The following UBE3D variants were observed in gnomAD, a reference collection of about 807,000 sequenced individuals.
The protein encoded by UBE3D is ubiquitin protein ligase E3D.
Under a neutral mutation model 49.6 loss-of-function variants are expected in UBE3D, and 48 were observed. The ratio of observed to expected loss-of-function variants is 0.97; its 90% CI spans 0.77 to 1.23. The LOEUF (loss-of-function observed/expected upper bound fraction) is 1.23, where lower values mean the gene tolerates loss of function less well. Among genes scored for constraint, UBE3D ranks in the 50% most tolerant of loss-of-function variants. UBE3D has a pLI of 0.00. For synonymous variants in UBE3D, 189 were observed against 174.2 expected (o/e 1.08, Z -0.67); for missense variants, 452 against 468.4 (o/e 0.96, Z 0.32).
intron 8 of UBE3D, among the ~76,000 whole-genome samples, chr6:82,961,769 C>T (rs1213143295): frequency 6.6e-6 from 1 of 151,824 alleles, no homozygotes; most frequent in Non-Finnish European, 1.5e-5. Flanking sequence ...CGAGACCAGC[C>T]TGATCAATAT....
At chr6:82,906,076 A>G (rs1772079737) in intron 9 of UBE3D, among the ~76,000 whole-genome samples, 2 of 152,158 alleles carry the variant, frequency 1.3e-5, no homozygotes, top group Non-Finnish European at 1.5e-5. Context: ...TAAAATATCA[A>G]TAATTCCTTA....
the UBE3D span, among the ~76,000 whole-genome samples, chr6:82,886,756 C>G: frequency 6.6e-6 from 1 of 152,178 alleles, no homozygotes; most frequent in African/African-American, 2.4e-5. Flanking sequence ...TTAATTTTCT[C>G]ATGATATCAA....
chr6:82,893,016 T>G lies in UBE3D; in HGVS notation c.*6A>C. On this transcript the variant is annotated 3_prime_UTR_variant, in exon 10 of 10. Coordinates refer to ENST00000369747, the MANE Select transcript of UBE3D (RefSeq NM_198920.3). The stretch of plus-strand genomic sequence containing the variant: ...GCCGGGGGAGGAGAATGCCCAGCTC[T>G]AATAGTTACATCTTCAAAAAGGCCA... The G allele has an allele frequency of 1.2e-6, 2 of 1,613,794 alleles. No individual in the cohort carries two copies. The highest frequency in any genetic ancestry group is 1.7e-6 in the Non-Finnish European group (2 of 1,179,852).
chr6:82,943,845 C>T (rs912477796), intron 9 of UBE3D, among the ~76,000 whole-genome samples: 1 of 152,008 alleles, frequency 6.6e-6, no homozygotes, highest in Non-Finnish European at 1.5e-5. Context: ...TGAGACTTCA[C>T]ATTAAACTCA....
intron 9 of UBE3D, among the ~76,000 whole-genome samples, chr6:82,894,201 A>G (rs1036688534): frequency 6.6e-6 from 1 of 151,876 alleles, no homozygotes; most frequent in Non-Finnish European, 1.5e-5. Flanking sequence ...CACCCCCCCA[A>G]CCATTTCATA....
chr6:82,924,793 A>C (rs1203487344), intron 9 of UBE3D: 4 of 152,192 alleles, frequency 2.6e-5, no homozygotes, highest in Non-Finnish European at 5.9e-5. Context: ...AATATGGAAA[A>C]TGCATAGTAT....
chr6:82,893,153 G>T, intron 9 of UBE3D, 111 bp from the exon 10 acceptor site: 1 of 1,265,012 alleles, frequency 7.9e-7, no homozygotes, highest in Non-Finnish European at 1.1e-6. Context: ...TCATATGCTT[G>T]TTTAAACAGA....
intron 9 of UBE3D, among the ~76,000 whole-genome samples, chr6:82,924,333 A>T (rs1255924889): frequency 6.6e-6 from 1 of 152,166 alleles, no homozygotes; most frequent in Admixed American, 6.5e-5. Flanking sequence ...ATTAGGTAAA[A>T]TGTCAAAAAC....
At chr6:82,930,299 C>T (rs1774052209) in intron 9 of UBE3D, among the ~76,000 whole-genome samples, 1 of 152,086 alleles carries the variant, frequency 6.6e-6, no homozygotes, top group Non-Finnish European at 1.5e-5. Flanking sequence ...AATATCCAGT[C>T]TCAGATATGT....
At chr6:82,995,557 T>A (rs959818648) in intron 8 of UBE3D, among the ~76,000 whole-genome samples, 2 of 149,946 alleles carry the variant, frequency 1.3e-5, no homozygotes, top group Non-Finnish European at 3.0e-5. Flanking sequence ...AACAGGCTAT[T>A]CACAGAAAAG....
chr6:82,961,079 C>T lies in UBE3D; in HGVS notation c.1011-3629G>A, dbSNP rs1051329793. On this transcript the variant is annotated intron_variant, in intron 8 of 9. Coordinates refer to ENST00000369747, the MANE Select transcript of UBE3D (RefSeq NM_198920.3). ...AGGCCCATGATGCTTTGGACCTTCT[C>T]GAAATGAGGTAAACACTGTAGCCTG... is the stretch of plus-strand genomic sequence containing the variant. Among the ~76,000 whole-genome samples, 5 of 152,222 alleles carry T rather than the reference C, an allele frequency of 3.3e-5. No individual in the cohort carries two copies. In the East Asian group the frequency reaches 9.7e-4, roughly 29 times the overall value.
intron 7 of UBE3D, 138 bp downstream of exon 7, chr6:83,022,315 C>T: frequency 1.7e-6 from 1 of 571,764 alleles, no homozygotes; most frequent in Non-Finnish European, 2.8e-6. Flanking sequence ...GCATAAGCCA[C>T]CGTGCCCAGC....
At chr6:83,009,335 A>G (rs1436107058) in intron 8 of UBE3D, among the ~76,000 whole-genome samples, 1 of 152,084 alleles carries the variant, frequency 6.6e-6, no homozygotes, top group Non-Finnish European at 1.5e-5. Context: ...AAAGATAAGC[A>G]GAAAACCATG....
chr6:82,966,518 C>G lies in UBE3D; in HGVS notation c.1011-9068G>C, dbSNP rs180830832. Among the ~76,000 whole-genome samples the G allele has an allele frequency of 7.0e-3, 832 of 119,188 alleles. 141 individuals are homozygous for G. Among genetic ancestry groups the G allele is most frequent in the Admixed American group, 0.05 (623 of 12,356 alleles). 78.2% of individuals were successfully genotyped at this position (119,188 alleles called of 152,430 possible). A position where few individuals can be genotyped will look rare whatever the true frequency, so the allele number is the denominator to read the frequency against. Reference sequence around the variant, plus strand: ...ACAAAAAATTAGCCGGGCGTAGTGGCGGGCGCCTGTAGTCCCAGCTACTCG... The same window carrying G: ...ACAAAAAATTAGCCGGGCGTAGTGGGGGGCGCCTGTAGTCCCAGCTACTCG... On this transcript the variant is annotated intron_variant, in intron 8 of 9. Coordinates refer to ENST00000369747, the MANE Select transcript of UBE3D (RefSeq NM_198920.3).
intron 5 of UBE3D, among the ~76,000 whole-genome samples, chr6:83,029,722 T>C (rs548876458): frequency 3.9e-5 from 6 of 152,108 alleles, no homozygotes; most frequent in Non-Finnish European, 7.4e-5. Flanking sequence ...CTTCTGAAGG[T>C]TGTTGGTTAT....
chr6:82,912,825 C>T (rs932661535), intron 9 of UBE3D, among the ~76,000 whole-genome samples: 3 of 152,110 alleles, frequency 2.0e-5, no homozygotes, highest in Non-Finnish European at 4.4e-5. Flanking sequence ...CAATAAAAAG[C>T]AAATCAAAAT....
At chr6:82,981,205 T>C (rs1218193191) in intron 8 of UBE3D, among the ~76,000 whole-genome samples, 1 of 152,128 alleles carries the variant, frequency 6.6e-6, no homozygotes, top group African/African-American at 2.4e-5. Context: ...TCAAGTGTTT[T>C]CTATCACACC....
intron 8 of UBE3D, among the ~76,000 whole-genome samples, chr6:82,978,169 C>T (rs16879530): frequency 0.031 from 4,641 of 152,064 alleles, 217 homozygotes; most frequent in African/African-American, 0.11. Context: ...GGCAAGTTGA[C>T]GCTAATGGAG....
chr6:83,054,544 C>A (rs757935978), intron 2 of UBE3D, among the ~76,000 whole-genome samples: 6 of 152,176 alleles, frequency 3.9e-5, no homozygotes, highest in Non-Finnish European at 7.3e-5. Flanking sequence ...GAACTATTTC[C>A]TTCTCATCAA....
Sources: allele counts gnomAD v4.1 joint callset (sites outside exome capture counted in the v4.1 genomes callset), GRCh38; gene constraint gnomAD v4.1.1; transcripts MANE v1.5; gene names NCBI Gene and HGNC (gene_info 2026-07-23, HGNC 2026-07-21).